The following ZNF536 variants were observed in gnomAD, a reference collection of about 807,000 sequenced individuals.
The protein encoded by ZNF536 is zinc finger protein 536.
In ZNF536, 13 loss-of-function variants were observed where a neutral mutation model predicts 84.5. That is an observed-to-expected ratio of 0.15 (90% confidence interval 0.10 to 0.24). ZNF536 has a LOEUF of 0.24. Ranked by LOEUF, ZNF536 falls within the 10% of genes least tolerant of loss-of-function variation. The pLI is 1.00. For synonymous variants in ZNF536, 811 were observed against 742.5 expected (o/e 1.09, Z -1.50); for missense variants, 1,536 against 1,747.5 (o/e 0.88, Z 2.16).
At chr19:30,381,089 G>C (rs1482930495) in intron 1 of ZNF536, among the ~76,000 whole-genome samples, 4 of 152,238 alleles carry the variant, frequency 2.6e-5, no homozygotes, top group African/African-American at 9.6e-5. Flanking sequence ...TGTTGCCCAA[G>C]TTGGTCTTGA....
rs1370408200 is a variant in ZNF536 at position 30,709,025 on chromosome 19, C to T, written c.170-1732C>T. ...AACAGCACATGAGAGCTTCCAGGAA[C>T]GGCTCATCAACAGCTTCCCGGAAGC... On this transcript the variant is annotated intron_variant, in intron 1 of 1. Transcript: ENST00000592773. 5.3e-5 allele frequency among the ~76,000 whole-genome samples: 8 copies of T among 152,254 alleles called. No homozygotes were observed. In the South Asian group the frequency reaches 8.3e-4, roughly 16 times the overall value.
At chr19:30,475,203 C>G (rs2053795776) in intron 2 of ZNF536, among the ~76,000 whole-genome samples, 1 of 152,118 alleles carries the variant, frequency 6.6e-6, no homozygotes, top group Non-Finnish European at 1.5e-5. Flanking sequence ...GCCTCAGCCT[C>G]CCGAGTAGCT....
chr19:30,603,449 A>C (rs562225937), intron 1 of ZNF536, among the ~76,000 whole-genome samples: 77 of 152,314 alleles, frequency 5.1e-4, no homozygotes, highest in African/African-American at 1.7e-3. Flanking sequence ...TAAACGAACA[A>C]ATAGAAGCCA....
intron 2 of ZNF536, among the ~76,000 whole-genome samples, chr19:30,496,153 A>G (rs2054710197): frequency 6.6e-6 from 1 of 152,066 alleles, no homozygotes; most frequent in Admixed American, 6.5e-5. Flanking sequence ...TGCCTTTTCC[A>G]CTGCTCCTGG....
chr19:30,405,440 G>A (rs1349252090), intron 1 of ZNF536, among the ~76,000 whole-genome samples: 2 of 152,096 alleles, frequency 1.3e-5, no homozygotes, highest in Non-Finnish European at 2.9e-5. Flanking sequence ...TGAACTTGGG[G>A]TCTCCCTGTG....
At chr19:30,363,190 G>A (rs1447015945) in intron 3 of ZNF536, among the ~76,000 whole-genome samples, 1 of 152,166 alleles carries the variant, frequency 6.6e-6, no homozygotes, top group African/African-American at 2.4e-5. Flanking sequence ...GACAAAAGGA[G>A]GGGGACACAG....
chr19:30,668,207 T>A (rs533827224), intron 1 of ZNF536, among the ~76,000 whole-genome samples: 2 of 152,248 alleles, frequency 1.3e-5, no homozygotes, highest in Admixed American at 1.3e-4. Context: ...TTTGCAAAAT[T>A]AAGATATTTA....
intron 2 of ZNF536, among the ~76,000 whole-genome samples, chr19:30,295,968 A>C (rs961916541): frequency 1.3e-5 from 2 of 152,170 alleles, no homozygotes; most frequent in African/African-American, 4.8e-5. Flanking sequence ...ACCTGTCCAG[A>C]GGCCTCCATG....
intron 1 of ZNF536, among the ~76,000 whole-genome samples, chr19:30,626,947 AG>A (rs1180102458): frequency 6.6e-6 from 1 of 152,112 alleles, no homozygotes; most frequent in Non-Finnish European, 1.5e-5. Context: ...TGGATATTTT[AG>A]GAATTAGCCA....
At chr19:30,351,129 C>A (rs1463293784) in intron 2 of ZNF536, among the ~76,000 whole-genome samples, 1 of 152,140 alleles carries the variant, frequency 6.6e-6, no homozygotes, top group African/African-American at 2.4e-5. Context: ...GACATTTCTG[C>A]CAAGAAAAAG....
At chr19:30,639,238 G>A (rs746463389) in intron 1 of ZNF536, among the ~76,000 whole-genome samples, 14 of 152,138 alleles carry the variant, frequency 9.2e-5, no homozygotes, top group East Asian at 1.9e-4. Flanking sequence ...AACCACCCAC[G>A]TCATTTAAAT....
intron 1 of ZNF536, among the ~76,000 whole-genome samples, chr19:30,671,443 T>G (rs952375356): frequency 4.9e-4 from 75 of 152,158 alleles, no homozygotes; most frequent in Non-Finnish European, 1.1e-3. Context: ...AGAGAGACTG[T>G]GGCCAGGTCA....
intron 1 of ZNF536, among the ~76,000 whole-genome samples, chr19:30,567,556 C>T (rs1599835476): frequency 6.6e-6 from 1 of 152,184 alleles, no homozygotes; most frequent in African/African-American, 2.4e-5. Context: ...CTCCTTCCCC[C>T]GCAGCGAGAG....
intron 2 of ZNF536, among the ~76,000 whole-genome samples, chr19:30,307,284 T>A (rs945493932): frequency 6.6e-6 from 1 of 151,926 alleles, no homozygotes; most frequent in Non-Finnish European, 1.5e-5. Flanking sequence ...ATTGCCTTTT[T>A]TAAAAAGAAA....
chr19:30,467,316 C>T (rs926237901), intron 2 of ZNF536, among the ~76,000 whole-genome samples: 1 of 152,168 alleles, frequency 6.6e-6, no homozygotes, highest in Non-Finnish European at 1.5e-5. Context: ...TTCTACTTTC[C>T]ATGTATGGAT....
rs11324495 is a variant in ZNF536 at position 30,331,292 on chromosome 19, TAAA to T, written c.-119-21049_-119-21047del. 9.2e-3 allele frequency among the ~76,000 whole-genome samples: 384 copies of T among 41,710 alleles called. 5 individuals are homozygous for T. The highest frequency in any genetic ancestry group is 0.037 in the African/African-American group (346 of 9,438). 27.4% of individuals were successfully genotyped at this position (41,710 alleles called of 152,430 possible). ...GGGAACAGAGTAAGACCCTGTATCT[TAAA>T]AAAAAAAAAAAAAAAAAAAAAAAAA... On this transcript the variant is annotated intron_variant, in intron 2 of 5. Transcript: ENST00000585628.
intron 1 of ZNF536, among the ~76,000 whole-genome samples, chr19:30,585,115 C>A (rs1183243606): frequency 2.4e-4 from 33 of 135,098 alleles, no homozygotes; most frequent in South Asian, 7.1e-4. Flanking sequence ...ACTTGCCACT[C>A]AAAAAAAAAA....
intron 1 of ZNF536, among the ~76,000 whole-genome samples, chr19:30,607,498 T>A (rs2047941933): frequency 6.6e-6 from 1 of 151,988 alleles, no homozygotes; most frequent in Non-Finnish European, 1.5e-5. Flanking sequence ...GGTGGGCAGA[T>A]CACCTGAGGT....
chr19:30,258,766 G>A (rs915842269), intron 1 of ZNF536, among the ~76,000 whole-genome samples: 53 of 151,686 alleles, frequency 3.5e-4, no homozygotes, highest in African/African-American at 1.3e-3. Flanking sequence ...CACCCAGGCT[G>A]GAGTGCAGTG....
Sources: gnomAD v4.1 joint callset for allele counts (sites outside exome capture counted in the v4.1 genomes callset) on GRCh38, gnomAD v4.1.1 for gene constraint, MANE v1.5 for transcripts, NCBI Gene and HGNC (gene_info 2026-07-23, HGNC 2026-07-21) for gene names.